BET1: variants seen among roughly 807,000 people sequenced by gnomAD.
BET1 encodes the protein BET1 homolog.
In BET1, 9 loss-of-function variants were observed where a neutral mutation model predicts 13.9. The ratio of observed to expected loss-of-function variants is 0.65; its 90% CI spans 0.39 to 1.13. The LOEUF (loss-of-function observed/expected upper bound fraction) is 1.13. BET1 is among the 50% of genes most tolerant of loss of function. The pLI is 0.01. For synonymous variants in BET1, 39 were observed against 47.3 expected (o/e 0.82, Z 0.72); for missense variants, 127 against 133.6 (o/e 0.95, Z 0.24).
At chr7:93,998,252 T>C (rs1164099702) in intron 2 of BET1, among the ~76,000 whole-genome samples, 2 of 152,234 alleles carry the variant, frequency 1.3e-5, no homozygotes, top group Admixed American at 1.3e-4. Context: ...TATTAAATCA[T>C]GGAAGGACGC....
intron 6 of BET1, among the ~76,000 whole-genome samples, chr7:93,966,173 C>A (rs1795169457): frequency 6.6e-6 from 1 of 151,918 alleles, no homozygotes; most frequent in African/African-American, 2.4e-5. Flanking sequence ...CACATCTCTC[C>A]TATGGAGAAT....
In BET1 at chr7:93,993,755, AAGG is replaced by A. The variant is rs1326526766; in HGVS notation, c.*472_*474del. 2.2e-6 allele frequency: 3 copies of A among 1,355,890 alleles called. No individual in the cohort carries two copies. The African/African-American group carries it at 4.5e-5, about 20-fold the overall frequency. The allele number at this position is 1,355,890 out of a possible 1,614,324, so 84.0% of individuals were successfully genotyped here. ...ATCAGCCTACAATTTTAACTAAATA[AAGG>A]AGGAGAAGGGAGTATATCATTACAG... On this transcript the variant is annotated 3_prime_UTR_variant, in exon 4 of 4. Coordinates refer to ENST00000222547, the MANE Select transcript of BET1 (RefSeq NM_005868.6).
chr7:93,987,599 C>T (rs1176991693), intron 4 of BET1, among the ~76,000 whole-genome samples: 4 of 151,912 alleles, frequency 2.6e-5, no homozygotes, highest in African/African-American at 7.3e-5. Context: ...AGAGTAGCCC[C>T]GGGAGCTTCT....
chr7:93,985,674 T>TA (rs1463043437), intron 4 of BET1, among the ~76,000 whole-genome samples: 1 of 152,218 alleles, frequency 6.6e-6, no homozygotes, highest in Non-Finnish European at 1.5e-5. Flanking sequence ...TGGAGAGTTT[T>TA]AAGTACAGAA....
At chr7:93,982,981 A>G (rs1795453775) in intron 4 of BET1, among the ~76,000 whole-genome samples, 1 of 152,160 alleles carries the variant, frequency 6.6e-6, no homozygotes, top group Non-Finnish European at 1.5e-5. Context: ...TACACTAGGG[A>G]AAGAACAGGG....
At chr7:93,966,823 C>T (rs1795181073) in intron 6 of BET1, among the ~76,000 whole-genome samples, 1 of 151,764 alleles carries the variant, frequency 6.6e-6, no homozygotes, top group Admixed American at 6.6e-5. Flanking sequence ...AATCAACCTT[C>T]CCTGGGACTT....
intron 4 of BET1, chr7:93,987,350 CA>C (rs1795546759): frequency 6.6e-6 from 1 of 152,146 alleles, no homozygotes; most frequent in Non-Finnish European, 1.5e-5. Flanking sequence ...TATGCCTCTA[CA>C]AAACCATTTC....
downstream of BET1, chr7:93,991,819 T>C: frequency 2.1e-6 from 2 of 966,522 alleles, no homozygotes; most frequent in Non-Finnish European, 2.5e-6. Flanking sequence ...TATAGAATGA[T>C]GACATTATTT....
In BET1 at chr7:93,978,796, T is replaced by A. The variant is rs141009318; in HGVS notation, c.236-2696A>T. On this transcript the variant is annotated intron_variant and NMD_transcript_variant, in intron 4 of 6. Coordinates refer to the BET1 transcript ENST00000357520. The stretch of plus-strand genomic sequence containing the variant: ...AAACTTTTACAGAAAATGAATCTGT[T>A]TGAAGGGAGTCCACACATTCATTCT... 3.3e-3 allele frequency among the ~76,000 whole-genome samples: 503 copies of A among 152,234 alleles called. 7 individuals carry two copies. The highest frequency in any genetic ancestry group is 0.012 in the African/African-American group (481 of 41,558).
At chr7:93,978,244 T>C (rs369503798) in intron 4 of BET1, among the ~76,000 whole-genome samples, 11 of 152,228 alleles carry the variant, frequency 7.2e-5, no homozygotes, top group African/African-American at 2.6e-4. Context: ...TAATTTTGTA[T>C]TTTTTTGTCG....
At chr7:94,002,124 T>C (rs1208815026) in intron 1 of BET1, among the ~76,000 whole-genome samples, 1 of 152,200 alleles carries the variant, frequency 6.6e-6, no homozygotes, top group Non-Finnish European at 1.5e-5. Context: ...TGTACTGCTA[T>C]GAAAAGTTGT....
rs1183024228 is a variant in BET1 at position 93,965,937 on chromosome 7, T to TAA, written c.*138-252_*138-251dup. ...AGTTTTTACAGACCATGTGTACTCT[T>TAA]AAGTCTGTACTTGGAGTAGACTGCT... On this transcript the variant is annotated intron_variant and NMD_transcript_variant, in intron 6 of 6. Transcript: ENST00000357520. Among the ~76,000 whole-genome samples, 3 of 152,034 alleles carry TAA rather than the reference T, an allele frequency of 2.0e-5. No homozygotes were observed. In the South Asian group the frequency reaches 6.2e-4, roughly 31 times the overall value.
exon 7 of BET1, chr7:93,964,986 G>A (rs1795151398): frequency 6.6e-6 from 1 of 151,974 alleles, no homozygotes; most frequent in African/African-American, 2.4e-5. Flanking sequence ...TCTATCCAAA[G>A]GAAAATAAAT....
intron 4 of BET1, among the ~76,000 whole-genome samples, chr7:93,983,943 C>T (rs1252475243): frequency 6.6e-6 from 1 of 152,106 alleles, no homozygotes; most frequent in Non-Finnish European, 1.5e-5. Context: ...TCCTAGGCAA[C>T]CCATGATGCT....
In BET1 at chr7:93,994,354, A is replaced by G; in HGVS notation, c.233T>C (p.Leu78Pro). ...DSQFDSTTGF[L>P]GKTMGKLKIL... ...CTTCAGTTTGCCCATAGTTTTACCT[A>G]GAAATCCAGTTGTGGAATCAAATTG... Residue 78 changes from leucine (L) to proline (P), a missense_variant, in exon 4 of 4, where the codon CTA becomes CCA. Physicochemically the swap from Leu to Pro is moderately conservative, Grantham distance 98 (BLOSUM62 -3). Transcript: ENST00000222547. 1 of 1,613,336 alleles carries G rather than the reference A, an allele frequency of 6.2e-7. No individual in the cohort carries two copies. The highest frequency in any genetic ancestry group is 8.5e-7 in the Non-Finnish European group (1 of 1,179,700).
In BET1 at chr7:94,004,207, C is replaced by T. The variant is rs767441006; in HGVS notation, c.10G>A (p.Ala4Thr). 2.5e-6 allele frequency: 4 copies of T among 1,614,068 alleles called. No individual in the cohort carries two copies. The highest frequency in any genetic ancestry group is 3.4e-6 in the Non-Finnish European group (4 of 1,179,968). The change falls in exon 1 of 4, where the codon GCA becomes ACA. Residue 4 changes from alanine to threonine, a missense_variant. Ala to Thr is a moderately conservative substitution (Grantham distance 58). Transcript: ENST00000222547. Reference protein sequence around the residue: MRRAGLGEGVPPGN... With the variant: MRRTGLGEGVPPGN... ...TCAGCCCTCTTCTTACCCAGGCCTGCACGCCTCATCCTGCCAGAGGAGAGA... is the reference window on the plus strand; with the variant it reads ...TCAGCCCTCTTCTTACCCAGGCCTGTACGCCTCATCCTGCCAGAGGAGAGA...
Position 93,993,990 on chromosome 7 carries a change from T to C in BET1, c.*240A>G. 1 of 1,529,538 alleles carries C rather than the reference T, an allele frequency of 6.5e-7. No individual in the cohort carries two copies. Among genetic ancestry groups the C allele is most frequent in the Non-Finnish European group, 8.7e-7 (1 of 1,144,002 alleles). 94.7% of individuals were successfully genotyped at this position (1,529,538 alleles called of 1,614,324 possible). A position where few individuals can be genotyped will look rare whatever the true frequency, so the allele number is the denominator to read the frequency against. Reference sequence around the variant, plus strand: ...AAACAATAGAAAAACAAACTGGAAATTAGTGGAGCCACACCCTCTCACTAC... The same window carrying C: ...AAACAATAGAAAAACAAACTGGAAACTAGTGGAGCCACACCCTCTCACTAC... On this transcript the variant is annotated 3_prime_UTR_variant, in exon 4 of 4. Coordinates refer to ENST00000222547, the MANE Select transcript of BET1 (RefSeq NM_005868.6).
In BET1 at chr7:94,004,244, G is replaced by C. The variant is rs375393602; in HGVS notation, c.-28C>G. ...TGCCAGAGGAGAGAGAGAAAAGGCG[G>C]GTGCGGGGCTTTGGGTGAGTAGGAA... is the stretch of plus-strand genomic sequence containing the variant. On this transcript the variant is annotated 5_prime_UTR_variant, in exon 1 of 4. Coordinates refer to ENST00000222547, the MANE Select transcript of BET1 (RefSeq NM_005868.6). The C allele has an allele frequency of 6.2e-7, 1 of 1,614,098 alleles. No homozygotes were observed. Among genetic ancestry groups the C allele is most frequent in the South Asian group, 1.1e-5 (1 of 91,088 alleles).
At chr7:93,963,591 A>G (rs1198509462) in exon 7 of BET1, 5 of 152,110 alleles carry the variant, frequency 3.3e-5, no homozygotes, top group Non-Finnish European at 7.4e-5. Flanking sequence ...CAGTTAATAA[A>G]TATTTGTTGA....
Sources: allele counts gnomAD v4.1 joint callset (sites outside exome capture counted in the v4.1 genomes callset), GRCh38; gene constraint gnomAD v4.1.1; transcripts MANE v1.5; gene names NCBI Gene and HGNC (gene_info 2026-07-23, HGNC 2026-07-21).